The following CCDC102B variants were observed in gnomAD, a reference collection of about 807,000 sequenced individuals.
CCDC102B encodes coiled-coil domain containing 102B.
CCDC102B carries 75 observed loss-of-function variants against 57.4 expected under a neutral mutation model. The observed-to-expected ratio is 1.31, with a 90% CI of 1.08 to 1.58. The LOEUF (loss-of-function observed/expected upper bound fraction) is 1.58, where lower values mean the gene tolerates loss of function less well. CCDC102B is among the 40% of genes most tolerant of loss of function. CCDC102B has a pLI of 0.00. For synonymous variants in CCDC102B, 206 were observed against 201.9 expected (o/e 1.02, Z -0.17); for missense variants, 636 against 582.6 (o/e 1.09, Z -0.94).
chr18:68,903,816 G>GT (rs1411325508), intron 6 of CCDC102B, among the ~76,000 whole-genome samples: 1 of 152,164 alleles, frequency 6.6e-6, no homozygotes, highest in Non-Finnish European at 1.5e-5. Context: ...GAAAGTCAGT[G>GT]TGCCCGGGCA....
At chr18:68,794,751 A>G (rs919990563), upstream of CCDC102B, among the ~76,000 whole-genome samples, 2 of 152,114 alleles carry the variant, frequency 1.3e-5, 1 homozygote, top group Admixed American at 1.3e-4. Flanking sequence ...CAGGGGTATT[A>G]TAACCATGGT....
intron 6 of CCDC102B, among the ~76,000 whole-genome samples, chr18:68,925,427 A>AT (rs1222553330): frequency 6.6e-6 from 1 of 151,968 alleles, no homozygotes; most frequent in Non-Finnish European, 1.5e-5. Flanking sequence ...GAGTCTGTTC[A>AT]TTACTTTTCT....
chr18:68,757,777 G>A (rs1483229263), intron 2 of CCDC102B, among the ~76,000 whole-genome samples: 1 of 152,084 alleles, frequency 6.6e-6, no homozygotes, highest in East Asian at 1.9e-4. Flanking sequence ...AGAAGAATTT[G>A]TTATGGTGTA....
At chr18:68,790,063 C>T (rs920802728) in intron 2 of CCDC102B, among the ~76,000 whole-genome samples, 10 of 147,960 alleles carry the variant, frequency 6.8e-5, no homozygotes, top group Non-Finnish European at 1.3e-4. Context: ...GGACCCTCAG[C>T]TGCAGGTCTG....
chr18:68,995,967 T>C (rs2051015764), intron 6 of CCDC102B, among the ~76,000 whole-genome samples: 1 of 152,204 alleles, frequency 6.6e-6, no homozygotes, highest in Admixed American at 6.5e-5. Context: ...GCTCACTCCT[T>C]GCATTAGCGT....
At chr18:68,957,154 G>T (rs753025685) in intron 6 of CCDC102B, among the ~76,000 whole-genome samples, 1 of 151,828 alleles carries the variant, frequency 6.6e-6, no homozygotes, top group Non-Finnish European at 1.5e-5. Flanking sequence ...ATTTCTTTAT[G>T]TTGGCTTTGG....
At chr18:69,045,976 G>C (rs1479142267) in intron 7 of CCDC102B, among the ~76,000 whole-genome samples, 1 of 152,046 alleles carries the variant, frequency 6.6e-6, no homozygotes, top group Non-Finnish European at 1.5e-5. Flanking sequence ...CATGGTGTAC[G>C]TGTACCACAT....
chr18:68,922,632 T>A (rs1425019591), intron 6 of CCDC102B, among the ~76,000 whole-genome samples: 4 of 152,096 alleles, frequency 2.6e-5, no homozygotes, highest in Non-Finnish European at 4.4e-5. Context: ...TTGACTCAGG[T>A]GGATCTCTCT....
At chr18:68,776,066 G>A (rs543898285) in intron 2 of CCDC102B, among the ~76,000 whole-genome samples, 1 of 152,250 alleles carries the variant, frequency 6.6e-6, no homozygotes, top group Admixed American at 6.5e-5. Context: ...GGCATTATGA[G>A]TAGATGACTG....
chr18:68,741,994 G>C (rs1395590924), intron 2 of CCDC102B, among the ~76,000 whole-genome samples: 1 of 152,166 alleles, frequency 6.6e-6, no homozygotes, highest in East Asian at 1.9e-4. Context: ...CCTGTGTGTG[G>C]TCAAACATCA....
chr18:68,937,091 T>C (rs1314105247), intron 6 of CCDC102B, among the ~76,000 whole-genome samples: 1 of 152,046 alleles, frequency 6.6e-6, no homozygotes, highest in Non-Finnish European at 1.5e-5. Flanking sequence ...TCGTATTTAA[T>C]ATGCATTGTT....
intron 7 of CCDC102B, among the ~76,000 whole-genome samples, chr18:69,023,025 T>C (rs1002045598): frequency 2.0e-5 from 3 of 151,588 alleles, no homozygotes; most frequent in African/African-American, 7.3e-5. Flanking sequence ...ATTTTTAAAA[T>C]AATGTCTTTC....
At chr18:68,740,314 A>T (rs963024909) in intron 2 of CCDC102B, among the ~76,000 whole-genome samples, 1 of 152,206 alleles carries the variant, frequency 6.6e-6, no homozygotes, top group African/African-American at 2.4e-5. Flanking sequence ...CATTTTAAAG[A>T]TCTAGGAAAA....
intron 2 of CCDC102B, among the ~76,000 whole-genome samples, chr18:68,760,814 A>G (rs558142735): frequency 6.6e-6 from 1 of 152,230 alleles, no homozygotes; most frequent in Admixed American, 6.6e-5. Flanking sequence ...AAGTGCTTGC[A>G]GCAAGAAGGA....
intron 6 of CCDC102B, among the ~76,000 whole-genome samples, chr18:68,970,753 C>T (rs1168277111): frequency 2.0e-5 from 3 of 151,902 alleles, no homozygotes; most frequent in Non-Finnish European, 4.4e-5. Flanking sequence ...CAAATAACAT[C>T]GTCTGTCTAA....
At chr18:68,765,397 A>C (rs2034434292) in intron 2 of CCDC102B, among the ~76,000 whole-genome samples, 2 of 149,818 alleles carry the variant, frequency 1.3e-5, no homozygotes, top group South Asian at 4.2e-4. Flanking sequence ...AAAGAAAAGA[A>C]AGGAAGGAAG....
chr18:68,726,945 G>A (rs2032623095), intron 2 of CCDC102B, among the ~76,000 whole-genome samples: 1 of 152,138 alleles, frequency 6.6e-6, no homozygotes, highest in Non-Finnish European at 1.5e-5. Flanking sequence ...AGTACCAAAT[G>A]ACACACAAAA....
chr18:68,766,049 A>C (rs1011000465), intron 2 of CCDC102B, among the ~76,000 whole-genome samples: 1 of 152,200 alleles, frequency 6.6e-6, no homozygotes, highest in Non-Finnish European at 1.5e-5. Flanking sequence ...GGAGATAAGA[A>C]TTAACCATAG....
chr18:68,765,324 G>GGAGAGAAA (rs2034407619), intron 2 of CCDC102B, among the ~76,000 whole-genome samples: 3 of 60,332 alleles, frequency 5.0e-5, no homozygotes, highest in Non-Finnish European at 1.0e-4. Flanking sequence ...AAGGAAGGAA[G>GGAGAGAAA]GAAAGAAAGA....
Sources: allele counts gnomAD v4.1 joint callset (sites outside exome capture counted in the v4.1 genomes callset), GRCh38; gene constraint gnomAD v4.1.1; transcripts MANE v1.5; gene names NCBI Gene and HGNC (gene_info 2026-07-23, HGNC 2026-07-21).